Variants in UPF2 observed in about 807,000 individuals in gnomAD.
UPF2 encodes the protein UPF2 regulator of nonsense mediated mRNA decay, also known as regulator of nonsense transcripts 2.
A neutral mutation model predicts 141.4 loss-of-function variants in UPF2; 17 were observed. The ratio of observed to expected loss-of-function variants is 0.12; its 90% CI spans 0.08 to 0.18. UPF2 has a LOEUF of 0.18. UPF2 is among the 10% of genes least tolerant of loss of function. The probability of loss-of-function intolerance (pLI) is 1.00; values close to 1 mark genes in which losing one functional copy is unlikely to be tolerated. For missense variants in UPF2, 1,152 were observed against 1,515.9 expected (o/e 0.76, Z 3.99); for synonymous variants, 540 against 498.0 (o/e 1.08, Z -1.12).
chr10:11,936,471 T>C lies in UPF2; in HGVS notation c.3546+74A>G. On this transcript the variant is annotated intron_variant, in intron 19 of 21. Coordinates refer to ENST00000357604, the MANE Select transcript of UPF2 (RefSeq NM_015542.4). This position sits in a 1 kb window ranked among gnomAD's most constrained non-coding sequence, Gnocchi z 6.6. ...AAACTGTCCAACCCTTATCCCCTTGTAGGTCAAAGATAAGTTAAAACCTAA... is the reference window on the plus strand; with the variant it reads ...AAACTGTCCAACCCTTATCCCCTTGCAGGTCAAAGATAAGTTAAAACCTAA... 6.9e-7 allele frequency: 1 copy of C among 1,447,400 alleles called. No homozygotes were observed. The highest frequency in any genetic ancestry group is 9.3e-7 in the Non-Finnish European group (1 of 1,080,930). 89.7% of individuals were successfully genotyped at this position (1,447,400 alleles called of 1,614,324 possible). A position where few individuals can be genotyped will look rare whatever the true frequency, so the allele number is the denominator to read the frequency against.
intron 4 of UPF2, among the ~76,000 whole-genome samples, chr10:12,012,294 C>A (rs1349413011): frequency 2.0e-5 from 3 of 151,950 alleles, no homozygotes; most frequent in Non-Finnish European, 4.4e-5. Context: ...GAACTCCTGA[C>A]CTCATGATCC....
intron 15 of UPF2, among the ~76,000 whole-genome samples, chr10:11,948,865 A>G (rs940541914): frequency 6.6e-6 from 1 of 152,234 alleles, no homozygotes; most frequent in African/African-American, 2.4e-5. Flanking sequence ...TATGTAAGAT[A>G]CAGCGTTGGC....
intron 11 of UPF2, among the ~76,000 whole-genome samples, chr10:11,963,154 G>A (rs1187268888): frequency 6.6e-6 from 1 of 152,018 alleles, no homozygotes; most frequent in Non-Finnish European, 1.5e-5. Context: ...TCTCAGTCTG[G>A]TTTAAGTACC....
intron 2 of UPF2, 131 bp downstream of exon 2, chr10:12,034,928 C>A: frequency 7.5e-7 from 1 of 1,338,722 alleles, no homozygotes; most frequent in Non-Finnish European, 1.0e-6. Flanking sequence ...ACTAACAGAA[C>A]AAGTAAATTA....
chr10:12,035,701 G>C (rs1264862527), intron 1 of UPF2: 1 of 298,804 alleles, frequency 3.3e-6, no homozygotes, highest in African/African-American at 2.2e-5. Context: ...CAAAAGTAGA[G>C]AGCATAATAT....
chr10:11,981,126 G>A (rs898506765), intron 8 of UPF2, among the ~76,000 whole-genome samples: 21 of 152,030 alleles, frequency 1.4e-4, no homozygotes, highest in African/African-American at 4.6e-4. Context: ...CCATGCCACC[G>A]CACTCCAGTC....
chr10:11,920,190 A>G lies in UPF2; in HGVS notation c.*1108T>C, dbSNP rs1383361691. The stretch of plus-strand genomic sequence containing the variant: ...AAAAGAAAAAATGCAAAATAGCTAG[A>G]AAAAAAGATGTAATCAAGTTGTCGC... On this transcript the variant is annotated 3_prime_UTR_variant, in exon 22 of 22. Transcript: ENST00000357604. 1 of 152,146 alleles carries G rather than the reference A, an allele frequency of 6.6e-6. No homozygotes were observed. Among genetic ancestry groups the G allele is most frequent in the Admixed American group, 6.5e-5 (1 of 15,282 alleles). 9.4% of individuals were successfully genotyped at this position (152,146 alleles called of 1,614,324 possible). A position where few individuals can be genotyped will look rare whatever the true frequency, so the allele number is the denominator to read the frequency against.
intron 3 of UPF2, among the ~76,000 whole-genome samples, chr10:12,025,505 C>CT (rs1834403850): frequency 3.9e-5 from 6 of 151,938 alleles, no homozygotes; most frequent in South Asian, 2.1e-4. Flanking sequence ...GAGCCAAGAC[C>CT]ATGACACTGC....
chr10:12,002,505 T>C (rs1209144759), intron 5 of UPF2, among the ~76,000 whole-genome samples: 1 of 152,196 alleles, frequency 6.6e-6, no homozygotes, highest in Non-Finnish European at 1.5e-5. Context: ...GTTGAGACTT[T>C]CTCCTTTATG....
At position 11,938,853 on chromosome 10, in the gene UPF2, G is replaced by GTTTTGTTTTTTTTT. The variant is rs1832889729; in HGVS notation, c.3379-2142_3379-2141insAAAAAAAAACAAAA. On this transcript the variant is annotated intron_variant, in intron 18 of 21. Coordinates refer to ENST00000357604, the MANE Select transcript of UPF2 (RefSeq NM_015542.4). ...GTGGTCTTAAGCAAGTTTTTTTTTT[G>GTTTTGTTTTTTTTT]TTTTTTTTTTTTTTTTTTTTTTTTT... Among the ~76,000 whole-genome samples the GTTTTGTTTTTTTTT allele has an allele frequency of 8.8e-5, 7 of 79,830 alleles. No individual in the cohort carries two copies. The East Asian group carries it at 2.5e-3, about 28-fold the overall frequency. 52.4% of individuals were successfully genotyped at this position (79,830 alleles called of 152,430 possible). A position where few individuals can be genotyped will look rare whatever the true frequency, so the allele number is the denominator to read the frequency against.
chr10:12,003,528 C>T lies in UPF2; in HGVS notation c.1504+1002G>A, dbSNP rs147784608. Among the ~76,000 whole-genome samples the T allele has an allele frequency of 7.5e-3, 1,143 of 152,238 alleles. 11 individuals carry two copies. The highest frequency in any genetic ancestry group is 0.017 in the Middle Eastern group (5 of 294). On this transcript the variant is annotated intron_variant, in intron 5 of 21. Transcript: ENST00000357604. ...GTTGTAATGGCAAACCTGAGAGAAA[C>T]TATGCAGGGTCCTAGAGACAATGTT...
intron 19 of UPF2, among the ~76,000 whole-genome samples, chr10:11,933,724 C>T (rs935783519): frequency 6.6e-6 from 1 of 152,152 alleles, no homozygotes; most frequent in African/African-American, 2.4e-5. Context: ...AATTTATTTT[C>T]AATTCCTACA....
chr10:11,952,696 A>G (rs1036746445), intron 14 of UPF2, among the ~76,000 whole-genome samples: 3 of 151,816 alleles, frequency 2.0e-5, no homozygotes, highest in Admixed American at 1.3e-4. Flanking sequence ...GGATGTTCTC[A>G]ATCTCCTGAC....
chr10:12,031,185 A>AG (rs1388644229), intron 2 of UPF2, among the ~76,000 whole-genome samples: 9 of 151,590 alleles, frequency 5.9e-5, no homozygotes, highest in Admixed American at 5.3e-4. Flanking sequence ...AAAAAAAAAA[A>AG]AAAAACAAAA....
At chr10:12,031,508 G>C (rs1360396488) in intron 2 of UPF2, among the ~76,000 whole-genome samples, 1 of 152,210 alleles carries the variant, frequency 6.6e-6, no homozygotes, top group African/African-American at 2.4e-5. Context: ...AAGTTTTTGA[G>C]ATAACAAAAC....
intron 21 of UPF2, among the ~76,000 whole-genome samples, chr10:11,922,731 T>C (rs529142948): frequency 2.0e-5 from 3 of 152,250 alleles, no homozygotes; most frequent in East Asian, 3.9e-4. Flanking sequence ...ATGGACTCTA[T>C]TGTATAACAA....
chr10:12,006,419 TA>T (rs1338087446), intron 4 of UPF2, among the ~76,000 whole-genome samples: 5 of 152,224 alleles, frequency 3.3e-5, no homozygotes, highest in African/African-American at 4.8e-5. Context: ...AAATGAGAAT[TA>T]TAAATAGATT....
At chr10:11,951,058 T>G (rs1833067942) in intron 15 of UPF2, among the ~76,000 whole-genome samples, 1 of 152,138 alleles carries the variant, frequency 6.6e-6, no homozygotes. Flanking sequence ...GGTCACTTTT[T>G]ATTTATTTAC....
At chr10:11,966,087 C>T (rs919146677) in intron 10 of UPF2, among the ~76,000 whole-genome samples, 3 of 152,056 alleles carry the variant, frequency 2.0e-5, no homozygotes, top group Admixed American at 2.0e-4. Flanking sequence ...TTCAATCTTC[C>T]AAATTTTCTA....
Sources: gnomAD v4.1 joint callset for allele counts (sites outside exome capture counted in the v4.1 genomes callset) on GRCh38, gnomAD v4.1.1 for gene constraint, Gnocchi (gnomAD v3.1) non-coding constraint, MANE v1.5 for transcripts, NCBI Gene and HGNC (gene_info 2026-07-23, HGNC 2026-07-21) for gene names.